The following PDE8B variants were observed in gnomAD, a reference collection of about 807,000 sequenced individuals.
PDE8B encodes the protein high affinity cAMP-specific and IBMX-insensitive 3',5'-cyclic phosphodiesterase 8B.
In PDE8B, 26 loss-of-function variants were observed where a neutral mutation model predicts 101.3. That is an observed-to-expected ratio of 0.26 (90% CI 0.19 to 0.36). The LOEUF (loss-of-function observed/expected upper bound fraction) is 0.36, where lower values mean the gene tolerates loss of function less well. PDE8B is among the 10% of genes least tolerant of loss of function. The probability of loss-of-function intolerance (pLI) is 1.00; values close to 1 mark genes in which losing one functional copy is unlikely to be tolerated. For synonymous variants in PDE8B, 424 were observed against 429.3 expected (o/e 0.99, Z 0.15); for missense variants, 810 against 1,163.1 (o/e 0.70, Z 4.42).
chr5:77,400,956 C>T (rs1401267315), intron 11 of PDE8B, among the ~76,000 whole-genome samples: 1 of 152,144 alleles, frequency 6.6e-6, no homozygotes, highest in Admixed American at 6.5e-5. Flanking sequence ...TGGTGGCTTT[C>T]CCAGCCACTA....
At chr5:77,208,939 C>T (rs1228070538), upstream of PDE8B, among the ~76,000 whole-genome samples, 1 of 152,180 alleles carries the variant, frequency 6.6e-6, no homozygotes. Flanking sequence ...ATGCCTGAGG[C>T]TTGGTCAATT....
intron 16 of PDE8B, among the ~76,000 whole-genome samples, chr5:77,412,525 C>T (rs1794765271): frequency 6.6e-6 from 1 of 151,754 alleles, no homozygotes; most frequent in Non-Finnish European, 1.5e-5. Context: ...AAGCTCTACC[C>T]TACAGAATGG....
intron 1 of PDE8B, among the ~76,000 whole-genome samples, chr5:77,213,732 A>G (rs925322494): frequency 1.3e-5 from 2 of 151,578 alleles, no homozygotes; most frequent in African/African-American, 4.8e-5. Context: ...TGGCCATTTT[A>G]CATCAATTAT....
Position 77,224,086 on chromosome 5 carries a change from C to A in PDE8B, c.339+12822C>A, listed in dbSNP as rs188288289. ...GCTTTTCTCACTGGACACTTGGGATCTGATGTCAGAGAACTATGCTGTACT... is the reference window on the plus strand; with the variant it reads ...GCTTTTCTCACTGGACACTTGGGATATGATGTCAGAGAACTATGCTGTACT... On this transcript the variant is annotated intron_variant, in intron 1 of 21. Coordinates refer to ENST00000264917, the MANE Select transcript of PDE8B (RefSeq NM_003719.5). 2.0e-5 allele frequency among the ~76,000 whole-genome samples: 3 copies of A among 152,164 alleles called. No homozygotes were observed. In the East Asian group the frequency reaches 5.8e-4, roughly 29 times the overall value.
the PDE8B span, among the ~76,000 whole-genome samples, chr5:77,125,865 A>T: frequency 2.0e-5 from 3 of 152,212 alleles, no homozygotes; most frequent in African/African-American, 7.2e-5. Context: ...TGATAAAAAA[A>T]ATTCTGGAGA....
chr5:77,146,171 A>G, the PDE8B span: 2 of 152,228 alleles, frequency 1.3e-5, no homozygotes, highest in Admixed American at 6.5e-5. Context: ...CCTGGACCTG[A>G]TTTAAATGAT....
At chr5:77,282,969 G>A (rs1765312222) in intron 1 of PDE8B, among the ~76,000 whole-genome samples, 1 of 151,964 alleles carries the variant, frequency 6.6e-6, no homozygotes, top group African/African-American at 2.4e-5. Flanking sequence ...GGAGGTGCCT[G>A]GCCCAGACCT....
At chr5:77,101,270 C>G in the PDE8B span, among the ~76,000 whole-genome samples, 1 of 151,874 alleles carries the variant, frequency 6.6e-6, no homozygotes, top group African/African-American at 2.4e-5. Flanking sequence ...TGCACCAGGT[C>G]AATTTTTTTC....
At chr5:77,298,709 C>G (rs781548782) in intron 1 of PDE8B, among the ~76,000 whole-genome samples, 1 of 152,148 alleles carries the variant, frequency 6.6e-6, no homozygotes, top group Admixed American at 6.5e-5. Context: ...CCAGGGATCC[C>G]CGGGAATCCT....
chr5:77,390,370 G>A (rs377272228), intron 10 of PDE8B, among the ~76,000 whole-genome samples: 12 of 152,212 alleles, frequency 7.9e-5, no homozygotes, highest in African/African-American at 2.7e-4. Flanking sequence ...AGGACTTGCT[G>A]AGGAATCCCA....
chr5:77,157,747 C>T, the PDE8B span, among the ~76,000 whole-genome samples: 1 of 152,198 alleles, frequency 6.6e-6, no homozygotes, highest in African/African-American at 2.4e-5. Flanking sequence ...CTCAGTTCCC[C>T]ACATGTCTTT....
intron 1 of PDE8B, among the ~76,000 whole-genome samples, chr5:77,311,059 G>A (rs1772483746): frequency 6.6e-6 from 1 of 152,196 alleles, no homozygotes; most frequent in African/African-American, 2.4e-5. Flanking sequence ...GCTGCGTGCT[G>A]AAGGCGCTCC....
At chr5:77,141,301 A>G in the PDE8B span, 1 of 152,236 alleles carries the variant, frequency 6.6e-6, no homozygotes, top group Non-Finnish European at 1.5e-5. Context: ...TTTAATACAT[A>G]TGTATCAAAC....
intron 1 of PDE8B, among the ~76,000 whole-genome samples, chr5:77,299,204 A>G (rs545109472): frequency 1.3e-5 from 2 of 152,284 alleles, no homozygotes; most frequent in South Asian, 4.1e-4. Context: ...ATTGTTGCTT[A>G]CAGAATTACA....
chr5:77,319,861 G>A (rs1222065020), intron 2 of PDE8B, among the ~76,000 whole-genome samples: 5 of 152,148 alleles, frequency 3.3e-5, no homozygotes, highest in East Asian at 1.9e-4. Context: ...TGCTCACTTC[G>A]TATCGTAACT....
chr5:77,392,085 A>T (rs1180234164), intron 10 of PDE8B, among the ~76,000 whole-genome samples: 6 of 152,352 alleles, frequency 3.9e-5, no homozygotes, highest in African/African-American at 1.2e-4. Context: ...TCACATTTTG[A>T]CAAGGATATC....
At chr5:77,207,049 T>C (rs1357059215), upstream of PDE8B, among the ~76,000 whole-genome samples, 1 of 152,182 alleles carries the variant, frequency 6.6e-6, no homozygotes. Context: ...TAACCCTGAA[T>C]TCAATGTACC....
At chr5:77,122,518 T>C in the PDE8B span, among the ~76,000 whole-genome samples, 3 of 152,288 alleles carry the variant, frequency 2.0e-5, no homozygotes, top group African/African-American at 7.2e-5. Context: ...CTAGGCTCAT[T>C]TGATGGGAAA....
chr5:77,403,054 G>A (rs1334735220), intron 11 of PDE8B, among the ~76,000 whole-genome samples: 2 of 152,146 alleles, frequency 1.3e-5, no homozygotes, highest in Non-Finnish European at 1.5e-5. Flanking sequence ...TCTGTGTTAT[G>A]GTTAAATTTC....
Sources: gnomAD v4.1 joint callset for allele counts (sites outside exome capture counted in the v4.1 genomes callset) on GRCh38, gnomAD v4.1.1 for gene constraint, MANE v1.5 for transcripts, NCBI Gene and HGNC (gene_info 2026-07-23, HGNC 2026-07-21) for gene names.